The following JPH3 variants were observed in gnomAD, a reference collection of about 807,000 sequenced individuals.
JPH3 encodes junctophilin-3.
A neutral mutation model predicts 59.6 loss-of-function variants in JPH3; 11 were observed. The ratio of observed to expected loss-of-function variants is 0.18; its 90% CI spans 0.12 to 0.31. JPH3 has a LOEUF of 0.31. Ranked by LOEUF, JPH3 falls within the 10% of genes least tolerant of loss-of-function variation. The pLI is 1.00. For synonymous variants in JPH3, 673 were observed against 483.6 expected, an observed-to-expected ratio of 1.39 and a Z score of -5.14; for missense variants, 1,202 against 1,105.7, an observed-to-expected ratio of 1.09 and a Z score of -1.24.
intron 2 of JPH3, among the ~76,000 whole-genome samples, chr16:87,682,629 C>G (rs1408686186): frequency 1.3e-5 from 2 of 152,238 alleles, no homozygotes; most frequent in Non-Finnish European, 2.9e-5. Flanking sequence ...GACTTCCAGC[C>G]TCCGGAACTG....
intron 2 of JPH3, among the ~76,000 whole-genome samples, chr16:87,672,258 T>C (rs962434080): frequency 6.6e-6 from 1 of 152,098 alleles, no homozygotes; most frequent in Non-Finnish European, 1.5e-5. Context: ...CCGGGAGCCC[T>C]GCGCTTTGTC....
intron 2 of JPH3, among the ~76,000 whole-genome samples, chr16:87,673,653 C>T (rs755988279): frequency 4.1e-4 from 62 of 152,232 alleles, no homozygotes; most frequent in East Asian, 7.7e-4. Context: ...AGGCTGGGCA[C>T]GGTGGCTCAC....
intron 1 of JPH3, among the ~76,000 whole-genome samples, chr16:87,618,367 A>G (rs1397706548): frequency 6.6e-6 from 1 of 152,104 alleles, no homozygotes; most frequent in Non-Finnish European, 1.5e-5. Context: ...CAGGCCGGGA[A>G]AAGGAGCAAA....
At chr16:87,656,640 C>A (rs1372205745) in intron 2 of JPH3, among the ~76,000 whole-genome samples, 1 of 152,106 alleles carries the variant, frequency 6.6e-6, no homozygotes, top group Non-Finnish European at 1.5e-5. Flanking sequence ...TTCAAGCCTG[C>A]AGGAAAAACG....
At chr16:87,653,219 C>T (rs576346712) in intron 2 of JPH3, among the ~76,000 whole-genome samples, 1 of 152,320 alleles carries the variant, frequency 6.6e-6, no homozygotes, top group Non-Finnish European at 1.5e-5. Flanking sequence ...GTGTAAAACC[C>T]AGGGTGATGC....
At chr16:87,605,079 T>C (rs2030467163) in intron 1 of JPH3, 1 of 384,712 alleles carries the variant, frequency 2.6e-6, no homozygotes, top group Non-Finnish European at 5.4e-6. Flanking sequence ...AGCTGGGCTG[T>C]TTGGAGCCCA....
In JPH3 at chr16:87,611,727, A is replaced by AC. The variant is rs2030738233; in HGVS notation, c.382+8203dup. Among the ~76,000 whole-genome samples, 1 of 151,964 alleles carries AC rather than the reference A, an allele frequency of 6.6e-6. No individual in the cohort carries two copies. The highest frequency in any genetic ancestry group is 1.5e-5 in the Non-Finnish European group (1 of 67,990). On this transcript the variant is annotated intron_variant, in intron 1 of 4. Coordinates refer to ENST00000284262, the MANE Select transcript of JPH3 (RefSeq NM_020655.4). This position sits in a 1 kb window ranked among gnomAD's most constrained non-coding sequence, Gnocchi z 4.5. ...TGTCAAGACACAGATTTCCAGCCCC[A>AC]CCCCTGAGTCTCTGGGCCTGGGATG...
chr16:87,617,869 T>A (rs1458995303), intron 1 of JPH3, among the ~76,000 whole-genome samples: 1 of 151,604 alleles, frequency 6.6e-6, no homozygotes. Flanking sequence ...CATTGAATAG[T>A]GCGAGGGGAG....
chr16:87,629,992 G>T lies in JPH3; in HGVS notation c.383-14266G>T, dbSNP rs529544012. 4.6e-5 allele frequency among the ~76,000 whole-genome samples: 7 copies of T among 152,208 alleles called. No homozygotes were observed. The South Asian group carries it at 1.5e-3, about 32-fold the overall frequency. On this transcript the variant is annotated intron_variant, in intron 1 of 4. Coordinates refer to ENST00000284262, the MANE Select transcript of JPH3 (RefSeq NM_020655.4). ...ACTGCTCTAAAGTATTTTTTAAAAA[G>T]AAAAAGTTAAAAAAAGACCACATGA...
intron 1 of JPH3, among the ~76,000 whole-genome samples, chr16:87,630,833 C>T (rs1313272514): frequency 2.0e-5 from 3 of 152,084 alleles, no homozygotes; most frequent in Non-Finnish European, 4.4e-5. Flanking sequence ...ATTTTCAATC[C>T]CTTAGACCCC....
At chr16:87,615,832 G>T (rs1422729779) in intron 1 of JPH3, among the ~76,000 whole-genome samples, 11 of 152,302 alleles carry the variant, frequency 7.2e-5, no homozygotes, top group African/African-American at 2.6e-4. Context: ...AGTGGGGGAA[G>T]AGACCGGGTC....
chr16:87,672,668 C>T (rs765501078), intron 2 of JPH3, among the ~76,000 whole-genome samples: 25 of 152,226 alleles, frequency 1.6e-4, no homozygotes, highest in Admixed American at 1.2e-3. Context: ...TCGCAGCAGG[C>T]GTAGACCACC....
At chr16:87,638,967 G>A (rs917820569) in intron 1 of JPH3, among the ~76,000 whole-genome samples, 4 of 152,156 alleles carry the variant, frequency 2.6e-5, no homozygotes, top group African/African-American at 9.7e-5. Flanking sequence ...CTTGGCACCT[G>A]GGGAGGACAG....
At position 87,639,611 on chromosome 16, in the gene JPH3, TCCTCCCTCCTGG is replaced by T. The variant is rs1166536403; in HGVS notation, c.383-4628_383-4617del. Among the ~76,000 whole-genome samples the T allele has an allele frequency of 3.8e-3, 571 of 149,238 alleles. 3 individuals carry two copies. The highest frequency in any genetic ancestry group is 0.011 in the African/African-American group (441 of 39,156). ...TGCTCACTGCCTGTCCTCCCTCCTG[TCCTCCCTCCTGG>T]CCTCCCTCCTGGCCTCCCGCCTGTC... On this transcript the variant is annotated intron_variant, in intron 1 of 4. Transcript: ENST00000284262.
chr16:87,601,842 G>C (rs2030206194), upstream of JPH3: 1 of 152,180 alleles, frequency 6.6e-6, no homozygotes, highest in Admixed American at 6.5e-5. Context: ...CACGGAATTC[G>C]GGTGACTTTG....
intron 2 of JPH3, among the ~76,000 whole-genome samples, chr16:87,668,397 C>T (rs559447423): frequency 1.6e-4 from 24 of 152,324 alleles, no homozygotes; most frequent in Admixed American, 3.3e-4. Context: ...CTTTCCAGAT[C>T]CTGTTCAAAT....
At chr16:87,615,820 C>T (rs1453947633) in intron 1 of JPH3, among the ~76,000 whole-genome samples, 2 of 152,152 alleles carry the variant, frequency 1.3e-5, no homozygotes, top group African/African-American at 2.4e-5. Flanking sequence ...TAGGGGGAGG[C>T]GAGTGGGGGA....
chr16:87,691,020 G>A (rs1220654786), intron 4 of JPH3, among the ~76,000 whole-genome samples: 1 of 151,996 alleles, frequency 6.6e-6, no homozygotes, highest in African/African-American at 2.4e-5. Context: ...CATGGGGGGT[G>A]TTGGGGTTGG....
intron 2 of JPH3, among the ~76,000 whole-genome samples, chr16:87,653,069 C>CG (rs963658194): frequency 2.0e-5 from 3 of 151,858 alleles, no homozygotes; most frequent in East Asian, 3.9e-4. Flanking sequence ...TCAGTGCCTG[C>CG]GGGGGGGACT....
Sources: allele counts gnomAD v4.1 joint callset (sites outside exome capture counted in the v4.1 genomes callset), GRCh38; gene constraint gnomAD v4.1.1; non-coding constraint Gnocchi (gnomAD v3.1); transcripts MANE v1.5; gene names NCBI Gene and HGNC (gene_info 2026-07-23, HGNC 2026-07-21).